IFT88: variants seen among roughly 807,000 people sequenced by gnomAD.
The protein encoded by IFT88 is intraflagellar transport 88, also known as intraflagellar transport protein 88 homolog.
IFT88 carries 74 observed loss-of-function variants against 119.5 expected under a neutral mutation model. That is an observed-to-expected ratio of 0.62 (90% CI 0.51 to 0.75). IFT88 has a LOEUF of 0.75. Among genes scored for constraint, IFT88 ranks in the 30% least tolerant of loss-of-function variants. The probability of loss-of-function intolerance (pLI) is 0.00; values close to 1 mark genes in which losing one functional copy is unlikely to be tolerated. For missense variants in IFT88, 961 were observed against 977.7 expected, an observed-to-expected ratio of 0.98 and a Z score of 0.23; for synonymous variants, 279 against 316.7, an observed-to-expected ratio of 0.88 and a Z score of 1.26.
chr13:20,648,293 G>A (rs1256864962), intron 20 of IFT88, among the ~76,000 whole-genome samples: 1 of 152,204 alleles, frequency 6.6e-6, no homozygotes, highest in African/African-American at 2.4e-5. Flanking sequence ...CTACTCAGGA[G>A]GCTGAGGCAT....
At chr13:20,676,146 C>T (rs2056632315) in intron 24 of IFT88, among the ~76,000 whole-genome samples, 1 of 152,214 alleles carries the variant, frequency 6.6e-6, no homozygotes, top group Non-Finnish European at 1.5e-5. Context: ...ACAGAACATG[C>T]TCCTTAACTC....
Position 20,589,790 on chromosome 13 carries a change from A to T in IFT88, c.154-21A>T, listed in dbSNP as rs200515160. On this transcript the variant is annotated intron_variant, in intron 3 of 25. Transcript: ENST00000351808. ...TAGCTCAGTCTGAATCCTGTTAACT[A>T]TGTTCTTTTTCCTCCCCAAGATAAC... is the stretch of plus-strand genomic sequence containing the variant. The T allele has an allele frequency of 3.8e-6, 6 of 1,561,042 alleles. No homozygotes were observed. The African/African-American group carries it at 8.1e-5, about 21-fold the overall frequency.
At chr13:20,619,607 T>C (rs79095389) in intron 14 of IFT88, among the ~76,000 whole-genome samples, 2,545 of 152,212 alleles carry the variant, frequency 0.017, 39 homozygotes, top group Non-Finnish European at 0.027. Flanking sequence ...TATGTAAAAA[T>C]GTATCCATTT....
chr13:20,597,637 G>C (rs1458987021), intron 9 of IFT88, among the ~76,000 whole-genome samples: 1 of 151,788 alleles, frequency 6.6e-6, no homozygotes, highest in Non-Finnish European at 1.5e-5. Context: ...CCAGCTACTT[G>C]GGAGGCTGGA....
chr13:20,669,721 G>T (rs918780222), intron 23 of IFT88, among the ~76,000 whole-genome samples: 10 of 152,112 alleles, frequency 6.6e-5, no homozygotes, highest in Admixed American at 4.6e-4. Context: ...ACCACACCGG[G>T]CCTATTTTCA....
chr13:20,591,547 G>C, intron 5 of IFT88, 71 bp from the exon 6 acceptor site: 1 of 1,125,868 alleles, frequency 8.9e-7, no homozygotes, highest in Non-Finnish European at 1.3e-6. Flanking sequence ...ATTAAGGTGT[G>C]TGTAATGTGC....
At chr13:20,620,653 C>T (rs1378919412) in intron 14 of IFT88, among the ~76,000 whole-genome samples, 3 of 151,994 alleles carry the variant, frequency 2.0e-5, no homozygotes, top group African/African-American at 7.2e-5. Context: ...GCAACCTCCA[C>T]CTCCCGGGTT....
At chr13:20,636,507 A>G (rs752225491) in intron 16 of IFT88, among the ~76,000 whole-genome samples, 2 of 152,216 alleles carry the variant, frequency 1.3e-5, no homozygotes, top group African/African-American at 2.4e-5. Context: ...GCCCTTCAGC[A>G]TCCTACCTAG....
intron 24 of IFT88, among the ~76,000 whole-genome samples, chr13:20,674,480 G>C (rs2056360399): frequency 6.6e-6 from 1 of 151,890 alleles, no homozygotes; most frequent in Non-Finnish European, 1.5e-5. Flanking sequence ...CATTTTTAAA[G>C]TGCTTTTTGG....
At position 20,691,228 on chromosome 13, in the gene IFT88, C is replaced by G. The variant is rs1160069231; in HGVS notation, c.*53C>G. 3 of 1,490,330 alleles carry G rather than the reference C, an allele frequency of 2.0e-6. No homozygotes were observed. Among genetic ancestry groups the G allele is most frequent in the African/African-American group, 2.8e-5 (2 of 71,000 alleles). The allele number at this position is 1,490,330 out of a possible 1,614,324, so 92.3% of individuals were successfully genotyped here. A position where few individuals can be genotyped will look rare whatever the true frequency, so the allele number is the denominator to read the frequency against. ...AGAAATTGCCTTATGAGATCATCCT[C>G]ATGTTAAACCTTGGATTAAATATCT... On this transcript the variant is annotated 3_prime_UTR_variant, in exon 26 of 26. Coordinates refer to ENST00000351808, the MANE Select transcript of IFT88 (RefSeq NM_006531.5).
At chr13:20,643,274 C>T (rs1011653638) in intron 18 of IFT88, among the ~76,000 whole-genome samples, 181 bp from the exon 19 acceptor site, 6 of 152,086 alleles carry the variant, frequency 3.9e-5, no homozygotes, top group African/African-American at 1.4e-4. Flanking sequence ...ACATAGGGAG[C>T]AAGAGTGTTA....
chr13:20,570,300 G>T (rs942592599), intron 1 of IFT88, among the ~76,000 whole-genome samples: 1 of 152,160 alleles, frequency 6.6e-6, no homozygotes, highest in Non-Finnish European at 1.5e-5. Flanking sequence ...AGCCACTTTG[G>T]AAAACAGTCT....
At chr13:20,586,160 A>G (rs1193066166) in intron 3 of IFT88, among the ~76,000 whole-genome samples, 1 of 152,224 alleles carries the variant, frequency 6.6e-6, no homozygotes, top group Non-Finnish European at 1.5e-5. Flanking sequence ...AGAAAAGCCA[A>G]GGTCTCACAG....
intron 24 of IFT88, among the ~76,000 whole-genome samples, chr13:20,674,722 A>AGG (rs2056414795): frequency 2.3e-5 from 1 of 42,692 alleles, no homozygotes; most frequent in Admixed American, 3.0e-4. Flanking sequence ...ATATATATAT[A>AGG]TATTTTTTTT....
intron 9 of IFT88, among the ~76,000 whole-genome samples, chr13:20,598,380 G>T (rs1009828158): frequency 2.6e-5 from 4 of 152,030 alleles, no homozygotes; most frequent in African/African-American, 9.7e-5. Context: ...TTTATTCTTT[G>T]TAGGTCCTCC....
chr13:20,662,807 A>T (rs964484798), intron 22 of IFT88, among the ~76,000 whole-genome samples: 6 of 152,236 alleles, frequency 3.9e-5, no homozygotes, highest in Non-Finnish European at 7.3e-5. Flanking sequence ...GCTTGAATGA[A>T]AAAGCAAATT....
intron 10 of IFT88, 34 bp downstream of exon 10, chr13:20,598,787 T>A: frequency 8.0e-7 from 1 of 1,252,044 alleles, no homozygotes; most frequent in Non-Finnish European, 1.2e-6. Flanking sequence ...CCAATAGATG[T>A]AATTCTTTCG....
At chr13:20,577,296 C>A (rs1464853714) in intron 2 of IFT88, among the ~76,000 whole-genome samples, 1 of 152,020 alleles carries the variant, frequency 6.6e-6, no homozygotes. Context: ...AAGATCATAT[C>A]ATCTATAAAC....
At chr13:20,659,702 G>T (rs2053477564) in intron 22 of IFT88, among the ~76,000 whole-genome samples, 1 of 151,466 alleles carries the variant, frequency 6.6e-6, no homozygotes, top group African/African-American at 2.4e-5. Context: ...AGAGTGCAGT[G>T]GTGCGATCTC....
Sources: allele counts gnomAD v4.1 joint callset (sites outside exome capture counted in the v4.1 genomes callset), GRCh38; gene constraint gnomAD v4.1.1; transcripts MANE v1.5; gene names NCBI Gene and HGNC (gene_info 2026-07-23, HGNC 2026-07-21).